The following ADAMTSL1 variants were observed in gnomAD, a reference collection of about 807,000 sequenced individuals.
ADAMTSL1 encodes ADAMTS-like protein 1.
ADAMTSL1 carries 126 observed loss-of-function variants against 201.8 expected under a neutral mutation model. The ratio of observed to expected loss-of-function variants is 0.62; its 90% CI spans 0.54 to 0.72. ADAMTSL1 has a LOEUF of 0.72. Ranked by LOEUF, ADAMTSL1 falls within the 30% of genes least tolerant of loss-of-function variation. The pLI, the probability that ADAMTSL1 is intolerant of heterozygous loss-of-function variation, is 0.00. For missense variants in ADAMTSL1, 2,679 were observed against 2,277.8 expected (o/e 1.18, Z -3.59); for synonymous variants, 1,121 against 903.4 (o/e 1.24, Z -4.32).
chr9:18,346,732 C>A (rs996234768), intron 2 of ADAMTSL1, among the ~76,000 whole-genome samples: 1 of 152,092 alleles, frequency 6.6e-6, no homozygotes, highest in South Asian at 2.1e-4. Flanking sequence ...AATCTTTAGA[C>A]GTTTTTGAAG....
chr9:18,279,122 C>T (rs1183178999), intron 2 of ADAMTSL1, among the ~76,000 whole-genome samples: 1 of 152,158 alleles, frequency 6.6e-6, no homozygotes, highest in Non-Finnish European at 1.5e-5. Context: ...GCTCACTGAG[C>T]TTCCTTAGGA....
In ADAMTSL1 at chr9:18,668,797, G is replaced by T. The variant is rs185358072; in HGVS notation, c.1085+6724G>T. On this transcript the variant is annotated intron_variant, in intron 9 of 28. Coordinates refer to ENST00000380548, the MANE Select transcript of ADAMTSL1 (RefSeq NM_001040272.6). Reference sequence around the variant, plus strand: ...TTGCCCAATGTCACTTCTGTTTGAAGTTTATAAGGTGCCTTCACATCCATT... The same window carrying T: ...TTGCCCAATGTCACTTCTGTTTGAATTTTATAAGGTGCCTTCACATCCATT... Among the ~76,000 whole-genome samples the T allele has an allele frequency of 5.9e-3, 904 of 152,310 alleles. 6 individuals carry two copies. Among genetic ancestry groups the T allele is most frequent in the Non-Finnish European group, 9.4e-3 (638 of 68,032 alleles).
chr9:18,269,479 C>T (rs1384799021), intron 2 of ADAMTSL1, among the ~76,000 whole-genome samples: 1 of 152,010 alleles, frequency 6.6e-6, no homozygotes, highest in Non-Finnish European at 1.5e-5. Context: ...GACAATTGAA[C>T]ACTAGAAAAA....
At chr9:18,083,866 T>G (rs1388176813) in intron 1 of ADAMTSL1, among the ~76,000 whole-genome samples, 2 of 152,204 alleles carry the variant, frequency 1.3e-5, no homozygotes, top group Non-Finnish European at 2.9e-5. Context: ...TTTTTAGGGC[T>G]TACTACCTTA....
chr9:18,775,158 TG>T (rs1163547910), intron 17 of ADAMTSL1, among the ~76,000 whole-genome samples: 1 of 152,188 alleles, frequency 6.6e-6, no homozygotes, highest in Non-Finnish European at 1.5e-5. Context: ...ACAATGCATT[TG>T]GGATTTTCCC....
Position 18,826,324 on chromosome 9 carries a change from C to G in ADAMTSL1, c.3975C>G (p.Ser1325Arg), listed in dbSNP as rs1824556920. 6.2e-7 allele frequency: 1 copy of G among 1,612,868 alleles called. No individual in the cohort carries two copies. Among genetic ancestry groups the G allele is most frequent in the Non-Finnish European group, 8.5e-7 (1 of 1,179,682 alleles). ...EAEVTWFRNKSKLGSPHHLHE... is the reference protein window; with the variant it reads ...EAEVTWFRNKRKLGSPHHLHE... Reference sequence around the variant, plus strand: ...AAGTCACTTGGTTCAGGAATAAAAGCAAACTGGGCTCCCCGCACCATCTGC... The same window carrying G: ...AAGTCACTTGGTTCAGGAATAAAAGGAAACTGGGCTCCCCGCACCATCTGC... Residue 1325 changes from serine to arginine, a missense_variant, in exon 22 of 29, where the codon AGC becomes AGG. Coordinates refer to ENST00000380548, the MANE Select transcript of ADAMTSL1 (RefSeq NM_001040272.6).
chr9:18,454,300 A>G (rs532258417), intron 2 of ADAMTSL1, among the ~76,000 whole-genome samples: 7 of 152,336 alleles, frequency 4.6e-5, no homozygotes, highest in African/African-American at 1.7e-4. Flanking sequence ...GTCCCACTAC[A>G]TGAAAGAGAG....
intron 2 of ADAMTSL1, among the ~76,000 whole-genome samples, chr9:18,254,667 G>GGGGGGGGGGGC: frequency 2.4e-5 from 1 of 41,830 alleles, no homozygotes; most frequent in African/African-American, 8.0e-5. Flanking sequence ...CTGCCCCCCC[G>GGGGGGGGGGGC]CCCCCCCCAG....
chr9:18,428,275 A>C (rs115123969), intron 2 of ADAMTSL1, among the ~76,000 whole-genome samples: 10 of 152,210 alleles, frequency 6.6e-5, no homozygotes, highest in African/African-American at 2.4e-4. Flanking sequence ...AAAGAAAAGA[A>C]ATTATACAGA....
At chr9:18,335,882 T>C (rs1835215351) in intron 2 of ADAMTSL1, among the ~76,000 whole-genome samples, 1 of 152,144 alleles carries the variant, frequency 6.6e-6, no homozygotes, top group African/African-American at 2.4e-5. Flanking sequence ...GTTGTAGAAA[T>C]GTTTCCAGAA....
intron 1 of ADAMTSL1, among the ~76,000 whole-genome samples, chr9:18,006,129 C>T (rs1318801964): frequency 1.3e-5 from 2 of 151,852 alleles, no homozygotes; most frequent in Non-Finnish European, 2.9e-5. Context: ...TGCTAATATT[C>T]ATAGTGTAAA....
intron 5 of ADAMTSL1, among the ~76,000 whole-genome samples, chr9:18,630,883 A>G (rs111416298): frequency 0.011 from 1,630 of 152,172 alleles, 32 homozygotes; most frequent in African/African-American, 0.037. Flanking sequence ...CTGATTCCTC[A>G]TCTCCCTACA....
At chr9:18,779,316 A>G (rs924243353) in intron 19 of ADAMTSL1, among the ~76,000 whole-genome samples, 1 of 152,376 alleles carries the variant, frequency 6.6e-6, no homozygotes, top group South Asian at 2.1e-4. Context: ...TGTAATGTCA[A>G]TAATACTGCC....
intron 23 of ADAMTSL1, among the ~76,000 whole-genome samples, chr9:18,871,270 C>T (rs1040290340): frequency 4.6e-5 from 7 of 152,146 alleles, no homozygotes; most frequent in African/African-American, 1.7e-4. Context: ...TTAATCCATT[C>T]CAACAATTCT....
chr9:18,891,498 T>C (rs1329196587), intron 25 of ADAMTSL1, among the ~76,000 whole-genome samples: 1 of 152,216 alleles, frequency 6.6e-6, no homozygotes, highest in Non-Finnish European at 1.5e-5. Context: ...CCTGTTTGTA[T>C]ATGGACCGAG....
In ADAMTSL1 at chr9:18,260,850, C is replaced by T. The variant is rs574058065; in HGVS notation, c.207+96869C>T. On this transcript the variant is annotated intron_variant, in intron 2 of 29. Coordinates refer to the ADAMTSL1 transcript ENST00000680146. ...ATGCTTTGCTTGTCCACCTAGCTCC[C>T]GTCTCCTGAAGTCATTAGTTGTGGT... 1.6e-4 allele frequency among the ~76,000 whole-genome samples: 25 copies of T among 152,220 alleles called. No homozygotes were observed. In the East Asian group the frequency reaches 3.3e-3, roughly 20 times the overall value.
rs9918959 is a variant in ADAMTSL1, at chr9:18,853,795, C to T, written c.4249+23818C>T. On this transcript the variant is annotated intron_variant, in intron 23 of 28. Transcript: ENST00000380548. ...CTCACTGTTATAATTTTTGCAAAAG[C>T]GATTTCACATGAAGGGGAGGAACAC... Among the ~76,000 whole-genome samples, 138 of 151,778 alleles carry T rather than the reference C, an allele frequency of 9.1e-4. 1 individual carries two copies. Among genetic ancestry groups the T allele is most frequent in the Non-Finnish European group, 1.4e-3 (93 of 67,972 alleles).
chr9:18,868,853 A>G (rs914619145), intron 23 of ADAMTSL1, among the ~76,000 whole-genome samples: 5 of 152,164 alleles, frequency 3.3e-5, no homozygotes, highest in Non-Finnish European at 5.9e-5. Flanking sequence ...TGTCTAGACT[A>G]TTGTGCTCTG....
intron 1 of ADAMTSL1, among the ~76,000 whole-genome samples, chr9:17,939,666 T>C (rs1827154772): frequency 6.6e-6 from 1 of 152,094 alleles, no homozygotes; most frequent in Non-Finnish European, 1.5e-5. Flanking sequence ...TTTGATGTTC[T>C]GCCTCATTCA....
Sources: gnomAD v4.1 joint callset for allele counts (sites outside exome capture counted in the v4.1 genomes callset) on GRCh38, gnomAD v4.1.1 for gene constraint, MANE v1.5 for transcripts, NCBI Gene and HGNC (gene_info 2026-07-23, HGNC 2026-07-21) for gene names.